Variants in CYTH1 observed in about 807,000 individuals in gnomAD.
CYTH1 encodes cytohesin-1.
In CYTH1, 18 loss-of-function variants were observed where a neutral mutation model predicts 61.8. The observed-to-expected ratio is 0.29, with a 90% CI of 0.20 to 0.43. The LOEUF (loss-of-function observed/expected upper bound fraction) is 0.43, where lower values mean the gene tolerates loss of function less well. Ranked by LOEUF, CYTH1 falls within the 20% of genes least tolerant of loss-of-function variation. The probability of loss-of-function intolerance (pLI) is 1.00; values close to 1 mark genes in which losing one functional copy is unlikely to be tolerated. For synonymous variants in CYTH1, 174 were observed against 184.3 expected (o/e 0.94, Z 0.45); for missense variants, 336 against 510.5 (o/e 0.66, Z 3.29).
At chr17:78,701,570 A>G (rs749846388) in intron 6 of CYTH1, 101 bp downstream of exon 6, 86 of 1,086,598 alleles carry the variant, frequency 7.9e-5, no homozygotes, top group Non-Finnish European at 1.2e-4. Flanking sequence ...TTCAAATCAT[A>G]CCCAAAGATA....
chr17:78,744,512 G>GC (rs1250984988), intron 1 of CYTH1, among the ~76,000 whole-genome samples: 1 of 152,180 alleles, frequency 6.6e-6, no homozygotes, highest in Non-Finnish European at 1.5e-5. Context: ...TCCAGCCTCT[G>GC]CAGGCAGAAA....
chr17:78,739,335 ATGCC>A (rs1387018456), intron 1 of CYTH1, among the ~76,000 whole-genome samples: 1 of 152,258 alleles, frequency 6.6e-6, no homozygotes, highest in East Asian at 1.9e-4. Flanking sequence ...AAGAGACAAA[ATGCC>A]TGCCCTCGTG....
chr17:78,698,992 G>C, intron 7 of CYTH1, 24 bp from the exon 8 acceptor site: 1 of 1,605,874 alleles, frequency 6.2e-7, no homozygotes, highest in Non-Finnish European at 8.5e-7. Flanking sequence ...AAAAGCAAAG[G>C]GGAGCCGTTG....
intron 4 of CYTH1, 55 bp downstream of exon 4, chr17:78,702,483 C>G: frequency 1.3e-6 from 2 of 1,571,898 alleles, no homozygotes; most frequent in Non-Finnish European, 1.7e-6. Context: ...TCTATCTGAG[C>G]ACTATAAAAA....
intron 1 of CYTH1, among the ~76,000 whole-genome samples, chr17:78,747,067 C>G (rs1456861384): frequency 7.0e-6 from 1 of 142,082 alleles, no homozygotes; most frequent in Non-Finnish European, 1.5e-5. Context: ...AGAGCTAGAC[C>G]TACAAAGGTC....
chr17:78,711,436 TC>T (rs2093131671), intron 1 of CYTH1, among the ~76,000 whole-genome samples: 2 of 152,026 alleles, frequency 1.3e-5, no homozygotes, highest in Non-Finnish European at 2.9e-5. Flanking sequence ...TTTTAATTGA[TC>T]TCAAAGGAAC....
chr17:78,696,747 A>G (rs1450266564), intron 9 of CYTH1: 4 of 152,306 alleles, frequency 2.6e-5, no homozygotes, highest in Admixed American at 2.6e-4. Flanking sequence ...AAGAACCAAG[A>G]TAATCTTTGT....
intron 1 of CYTH1, among the ~76,000 whole-genome samples, chr17:78,738,641 CTT>C (rs1196859160): frequency 6.6e-6 from 1 of 151,660 alleles, no homozygotes; most frequent in Non-Finnish European, 1.5e-5. Flanking sequence ...AAAAAAAACA[CTT>C]TGTTTTGTAG....
chr17:78,771,791 G>C (rs1429416821), intron 1 of CYTH1, among the ~76,000 whole-genome samples: 1 of 150,740 alleles, frequency 6.6e-6, no homozygotes, highest in African/African-American at 2.4e-5. Flanking sequence ...GGATAAGGAA[G>C]GTATTATCCT....
intron 10 of CYTH1, 52 bp downstream of exon 10, chr17:78,695,955 C>A: frequency 7.3e-7 from 1 of 1,365,048 alleles, no homozygotes; most frequent in South Asian, 1.1e-5. Context: ...GAAAATGCTG[C>A]AGTAATGACA....
intron 9 of CYTH1, among the ~76,000 whole-genome samples, chr17:78,696,974 G>A (rs7503420): frequency 6.6e-6 from 1 of 152,222 alleles, no homozygotes; most frequent in South Asian, 2.1e-4. Flanking sequence ...AAGATTCTGG[G>A]GGCTTAAAGA....
intron 11 of CYTH1, among the ~76,000 whole-genome samples, chr17:78,687,305 A>T (rs2092826726): frequency 6.6e-6 from 1 of 151,964 alleles, no homozygotes; most frequent in African/African-American, 2.4e-5. Flanking sequence ...CACTGCAGAA[A>T]ACACTGCTTC....
intron 1 of CYTH1, among the ~76,000 whole-genome samples, chr17:78,764,859 G>A (rs58567966): frequency 0.055 from 8,306 of 152,028 alleles, 422 homozygotes; most frequent in South Asian, 0.15. Context: ...CCTGCCTTGT[G>A]GAGTTTCCAC....
chr17:78,704,813 C>T (rs934776168), intron 3 of CYTH1, among the ~76,000 whole-genome samples: 3 of 152,174 alleles, frequency 2.0e-5, no homozygotes, highest in African/African-American at 7.2e-5. Flanking sequence ...TGAGTCATCG[C>T]ATCCAGGCTG....
At chr17:78,697,572 T>G (rs1372482383) in intron 9 of CYTH1, among the ~76,000 whole-genome samples, 1 of 148,196 alleles carries the variant, frequency 6.7e-6, no homozygotes, top group Non-Finnish European at 1.5e-5. Context: ...ACAAAATAAT[T>G]AATGTGGCTG....
chr17:78,679,713 C>T (rs1409058401), intron 13 of CYTH1, among the ~76,000 whole-genome samples: 1 of 152,236 alleles, frequency 6.6e-6, no homozygotes, highest in Non-Finnish European at 1.5e-5. Flanking sequence ...AAGCTTCTCC[C>T]TCCTCCCGGA....
At chr17:78,760,568 TAC>T (rs1204947829) in intron 1 of CYTH1, among the ~76,000 whole-genome samples, 592 of 29,334 alleles carry the variant, frequency 0.02, 82 homozygotes, top group African/African-American at 0.062. Flanking sequence ...TATATATATA[TAC>T]ACATACATAT....
At chr17:78,770,461 C>T (rs1273936344) in intron 1 of CYTH1, among the ~76,000 whole-genome samples, 1 of 151,874 alleles carries the variant, frequency 6.6e-6, no homozygotes, top group Non-Finnish European at 1.5e-5. Context: ...CTCTGTCACC[C>T]AGGCGGGAGT....
chr17:78,781,551 CACCGG>C (rs993364765), intron 1 of CYTH1, among the ~76,000 whole-genome samples: 5 of 152,078 alleles, frequency 3.3e-5, no homozygotes, highest in Admixed American at 3.3e-4. Context: ...GGCGGCGACG[CACCGG>C]ACCGGCGGCT....
Sources: allele counts gnomAD v4.1 joint callset (sites outside exome capture counted in the v4.1 genomes callset), GRCh38; gene constraint gnomAD v4.1.1; transcripts MANE v1.5; gene names NCBI Gene and HGNC (gene_info 2026-07-23, HGNC 2026-07-21).